The following ROR2 variants were observed in gnomAD, a reference collection of about 807,000 sequenced individuals.
ROR2 encodes the protein tyrosine-protein kinase transmembrane receptor ROR2.
In ROR2, 33 loss-of-function variants were observed where a neutral mutation model predicts 74.9. The ratio of observed to expected loss-of-function variants is 0.44; its 90% confidence interval spans 0.33 to 0.59. The LOEUF (loss-of-function observed/expected upper bound fraction) is 0.59. ROR2 is among the 20% of genes least tolerant of loss of function. The pLI is 0.02. For missense variants in ROR2, 1,216 were observed against 1,313.8 expected, an observed-to-expected ratio of 0.93 and a Z score of 1.15; for synonymous variants, 586 against 558.7, an observed-to-expected ratio of 1.05 and a Z score of -0.69.
intron 1 of ROR2, among the ~76,000 whole-genome samples, chr9:91,841,048 A>AT (rs1301565445): frequency 6.6e-6 from 1 of 152,224 alleles, no homozygotes; most frequent in Non-Finnish European, 1.5e-5. Context: ...CCACAGCCAA[A>AT]TCATAGACTG....
chr9:91,771,567 C>T (rs527274928), intron 2 of ROR2, among the ~76,000 whole-genome samples: 61 of 152,352 alleles, frequency 4.0e-4, no homozygotes, highest in African/African-American at 1.4e-3. Context: ...CTACAGTCGC[C>T]TGCAGTCTTA....
intron 1 of ROR2, among the ~76,000 whole-genome samples, chr9:91,819,972 G>A (rs961244925): frequency 7.2e-5 from 11 of 151,944 alleles, no homozygotes; most frequent in African/African-American, 2.7e-4. Context: ...CTTTGACAGT[G>A]TCTGTACCTG....
intron 1 of ROR2, among the ~76,000 whole-genome samples, chr9:91,831,398 G>A (rs1409983793): frequency 1.3e-5 from 2 of 152,156 alleles, no homozygotes; most frequent in Non-Finnish European, 2.9e-5. Flanking sequence ...GGGACCAGCC[G>A]CGTTTGGTGG....
intron 1 of ROR2, among the ~76,000 whole-genome samples, chr9:91,919,804 T>C (rs1831221099): frequency 6.6e-6 from 1 of 152,148 alleles, no homozygotes; most frequent in Non-Finnish European, 1.5e-5. Flanking sequence ...TTTCCTCCTG[T>C]ACCCTTCCTG....
intron 1 of ROR2, among the ~76,000 whole-genome samples, chr9:91,874,704 G>A (rs1432433774): frequency 2.6e-5 from 4 of 152,200 alleles, no homozygotes; most frequent in Admixed American, 2.6e-4. Context: ...GAAAGGCCGA[G>A]GTGGGTGGAT....
chr9:91,778,760 A>G (rs1433787554), intron 1 of ROR2, among the ~76,000 whole-genome samples: 4 of 152,156 alleles, frequency 2.6e-5, no homozygotes, highest in Admixed American at 2.6e-4. Context: ...CAGTGCCCTG[A>G]CTTTTCTCCG....
intron 1 of ROR2, among the ~76,000 whole-genome samples, chr9:91,870,769 T>A (rs528890966): frequency 8.4e-4 from 128 of 152,370 alleles, no homozygotes; most frequent in African/African-American, 2.9e-3. Flanking sequence ...AAGCCACAGC[T>A]ATGGCACTGA....
intron 1 of ROR2, among the ~76,000 whole-genome samples, chr9:91,802,067 G>GTTTTTT (rs60111555): frequency 1.9e-5 from 2 of 103,702 alleles, no homozygotes; most frequent in Non-Finnish European, 3.9e-5. Context: ...TTTGGAAGGT[G>GTTTTTT]TTTTTTTTTT....
At chr9:91,853,737 G>GT (rs1829186301) in intron 1 of ROR2, among the ~76,000 whole-genome samples, 1 of 152,200 alleles carries the variant, frequency 6.6e-6, no homozygotes, top group Non-Finnish European at 1.5e-5. Context: ...GGCTGATGCT[G>GT]TGACAGTAGC....
intron 1 of ROR2, among the ~76,000 whole-genome samples, chr9:91,846,795 T>G (rs190531988): frequency 6.6e-6 from 1 of 152,184 alleles, no homozygotes; most frequent in Non-Finnish European, 1.5e-5. Flanking sequence ...GAGAAGACCC[T>G]TGGAAAGCCA....
Position 91,773,207 on chromosome 9 carries a change from G to A in ROR2, c.175+2534C>T, listed in dbSNP as rs548114084. Among the ~76,000 whole-genome samples, 3 of 152,284 alleles carry A rather than the reference G, an allele frequency of 2.0e-5. No individual in the cohort carries two copies. In the South Asian group the frequency reaches 6.2e-4, roughly 32 times the overall value. ...CGGGTGAGAGGTTTGCAGCGCATCT[G>A]AAACAAAGGACTGCAATACATTTTC... On this transcript the variant is annotated intron_variant, in intron 2 of 8. Transcript: ENST00000375708.
chr9:91,754,489 T>C (rs984557380), intron 4 of ROR2, among the ~76,000 whole-genome samples: 2 of 151,944 alleles, frequency 1.3e-5, no homozygotes, highest in African/African-American at 4.8e-5. Flanking sequence ...AAACCCCGTC[T>C]CTACTAAAAA....
At chr9:91,871,232 T>A (rs1482905429) in intron 1 of ROR2, among the ~76,000 whole-genome samples, 1 of 152,234 alleles carries the variant, frequency 6.6e-6, no homozygotes, top group African/African-American at 2.4e-5. Context: ...TCTCCTTCCA[T>A]GTGTAGAGCA....
At chr9:91,845,447 C>T (rs1015406359) in intron 1 of ROR2, among the ~76,000 whole-genome samples, 1 of 152,286 alleles carries the variant, frequency 6.6e-6, no homozygotes, top group Non-Finnish European at 1.5e-5. Context: ...CCAAAACTCA[C>T]CACAGGACAA....
At chr9:91,873,432 T>G (rs768598704) in intron 1 of ROR2, among the ~76,000 whole-genome samples, 12 of 151,930 alleles carry the variant, frequency 7.9e-5, no homozygotes, top group Non-Finnish European at 1.3e-4. Context: ...GTACTAAAAA[T>G]AGAAAAATTA....
intron 1 of ROR2, among the ~76,000 whole-genome samples, chr9:91,933,767 A>G (rs1831611251): frequency 1.3e-5 from 2 of 152,224 alleles, no homozygotes; most frequent in South Asian, 4.1e-4. Flanking sequence ...GACATTTTCT[A>G]CATAAAATTT....
At chr9:91,770,227 C>T (rs1826184562) in intron 2 of ROR2, among the ~76,000 whole-genome samples, 1 of 152,230 alleles carries the variant, frequency 6.6e-6, no homozygotes, top group Non-Finnish European at 1.5e-5. Flanking sequence ...CTGAGTACCC[C>T]TTGTGGGTAT....
At chr9:91,731,297 T>A in intron 6 of ROR2, 142 bp from the exon 7 acceptor site, 9 of 1,211,614 alleles carry the variant, frequency 7.4e-6, no homozygotes, top group Non-Finnish European at 9.5e-6. Context: ...AATGGCTTAA[T>A]GAAGTCCCAA....
At chr9:91,742,233 A>G (rs1195574430) in intron 4 of ROR2, among the ~76,000 whole-genome samples, 2 of 152,210 alleles carry the variant, frequency 1.3e-5, no homozygotes, top group South Asian at 2.1e-4. Flanking sequence ...TGTGACAAGA[A>G]CAGCACAGGA....
Sources: gnomAD v4.1 joint callset for allele counts (sites outside exome capture counted in the v4.1 genomes callset) on GRCh38, gnomAD v4.1.1 for gene constraint, MANE v1.5 for transcripts, NCBI Gene and HGNC (gene_info 2026-07-23, HGNC 2026-07-21) for gene names.